Variants in PPM1B observed in about 807,000 individuals in gnomAD.
PPM1B encodes protein phosphatase, Mg2+/Mn2+ dependent 1B.
PPM1B carries 22 observed loss-of-function variants against 43.0 expected under a neutral mutation model. That is an observed-to-expected ratio of 0.51 (90% CI 0.37 to 0.73). The LOEUF (loss-of-function observed/expected upper bound fraction) is 0.73, where lower values mean the gene tolerates loss of function less well. Among genes scored for constraint, PPM1B ranks in the 30% least tolerant of loss-of-function variants. The probability of loss-of-function intolerance (pLI) is 0.00; values close to 1 mark genes in which losing one functional copy is unlikely to be tolerated. For synonymous variants in PPM1B, 217 were observed against 197.9 expected (o/e 1.10, Z -0.81); for missense variants, 632 against 584.2 (o/e 1.08, Z -0.84).
intron 5 of PPM1B, among the ~76,000 whole-genome samples, chr2:44,243,261 A>C (rs937831707): frequency 6.6e-6 from 1 of 152,226 alleles, no homozygotes; most frequent in South Asian, 2.1e-4. Context: ...TTTACCCTTC[A>C]TATACACTTT....
chr2:44,244,860 G>C (rs1670827661), downstream of PPM1B, among the ~76,000 whole-genome samples: 1 of 131,864 alleles, frequency 7.6e-6, no homozygotes, highest in African/African-American at 3.0e-5. Context: ...CACATATATA[G>C]TGTGTGTGTG....
intron 2 of PPM1B, among the ~76,000 whole-genome samples, chr2:44,203,601 G>A (rs890808782): frequency 1.3e-5 from 2 of 152,086 alleles, no homozygotes; most frequent in Non-Finnish European, 2.9e-5. Flanking sequence ...TATTGTTCCA[G>A]TCTTTTCTGC....
downstream of PPM1B, among the ~76,000 whole-genome samples, chr2:44,238,324 A>G (rs762538366): frequency 7.2e-5 from 11 of 152,232 alleles, no homozygotes; most frequent in Non-Finnish European, 1.3e-4. Context: ...TATTTTAAAT[A>G]TTTAATATTT....
chr2:44,204,640 C>T (rs982283728), intron 2 of PPM1B, among the ~76,000 whole-genome samples: 4 of 151,968 alleles, frequency 2.6e-5, no homozygotes, highest in Admixed American at 1.3e-4. Context: ...GTTAAGATGA[C>T]GAGGTCAGGA....
At chr2:44,177,347 T>G (rs1207303346) in intron 1 of PPM1B, among the ~76,000 whole-genome samples, 1 of 152,042 alleles carries the variant, frequency 6.6e-6, no homozygotes, top group Non-Finnish European at 1.5e-5. Context: ...GTCCTAAACT[T>G]AAGGAAATTG....
At chr2:44,225,867 G>T (rs544238399) in intron 5 of PPM1B, among the ~76,000 whole-genome samples, 2 of 151,786 alleles carry the variant, frequency 1.3e-5, no homozygotes, top group South Asian at 4.2e-4. Context: ...TGTTGATCAG[G>T]CTAGTCTCAA....
intron 1 of PPM1B, among the ~76,000 whole-genome samples, chr2:44,197,009 T>C (rs1233714650): frequency 6.6e-6 from 1 of 152,240 alleles, no homozygotes; most frequent in Non-Finnish European, 1.5e-5. Context: ...CTTTTAGTTT[T>C]CATTTTTTAA....
chr2:44,236,417 A>AAAAAAAAAAAAAAAAG (rs1670615029), downstream of PPM1B, among the ~76,000 whole-genome samples: 1 of 149,138 alleles, frequency 6.7e-6, no homozygotes, highest in Non-Finnish European at 1.5e-5. Flanking sequence ...AAAAAAAAAA[A>AAAAAAAAAAAAAAAAG]AAAAAAAAAA....
intron 5 of PPM1B, among the ~76,000 whole-genome samples, chr2:44,242,573 CT>C (rs1276554692): frequency 2.6e-5 from 4 of 152,130 alleles, no homozygotes; most frequent in African/African-American, 9.7e-5. Context: ...CATTTACAAT[CT>C]TAATAGTATA....
chr2:44,243,257 C>A (rs1203101199), intron 5 of PPM1B, among the ~76,000 whole-genome samples: 1 of 152,150 alleles, frequency 6.6e-6, no homozygotes. Context: ...CCCTTTTACC[C>A]TTCATATACA....
intron 1 of PPM1B, among the ~76,000 whole-genome samples, chr2:44,194,444 C>T (rs1449636331): frequency 6.6e-6 from 1 of 152,148 alleles, no homozygotes; most frequent in East Asian, 1.9e-4. Flanking sequence ...GCTGAGCAGG[C>T]CGGGCGTGTT....
intron 3 of PPM1B, chr2:44,213,824 C>T (rs1669595749): frequency 6.6e-6 from 1 of 152,052 alleles, no homozygotes; most frequent in Non-Finnish European, 1.5e-5. Context: ...TTAAGAGGAG[C>T]TGTTTTTATA....
chr2:44,240,699 T>G (rs1362503195), intron 5 of PPM1B, among the ~76,000 whole-genome samples: 1 of 145,982 alleles, frequency 6.9e-6, no homozygotes, highest in Admixed American at 6.8e-5. Context: ...TTTTCCTGAT[T>G]TAAGGCAGAT....
chr2:44,241,618 G>T (rs934879495), intron 5 of PPM1B, among the ~76,000 whole-genome samples: 2 of 116,382 alleles, frequency 1.7e-5, no homozygotes, highest in African/African-American at 5.4e-5. Flanking sequence ...TGTAATCCCA[G>T]CTACCTGGGA....
intron 1 of PPM1B, among the ~76,000 whole-genome samples, chr2:44,184,755 T>C (rs1668043654): frequency 6.6e-6 from 1 of 152,108 alleles, no homozygotes; most frequent in African/African-American, 2.4e-5. Context: ...CATAGGGATC[T>C]ATCAGTAAAA....
intron 5 of PPM1B, among the ~76,000 whole-genome samples, chr2:44,220,544 C>G (rs1257188476): frequency 6.6e-6 from 1 of 152,134 alleles, no homozygotes; most frequent in Non-Finnish European, 1.5e-5. Flanking sequence ...CATAAATGTT[C>G]TATCAACATC....
intron 5 of PPM1B, among the ~76,000 whole-genome samples, chr2:44,244,075 C>A (rs1466601478): frequency 6.6e-6 from 1 of 151,748 alleles, no homozygotes; most frequent in Non-Finnish European, 1.5e-5. Flanking sequence ...TTTTATATTT[C>A]TTATTGCTGT....
Position 44,201,120 on chromosome 2 carries a change from G to A in PPM1B, c.-14-66G>A, listed in dbSNP as rs1422236071. 7.0e-7 allele frequency: 1 copy of A among 1,434,976 alleles called. No individual in the cohort carries two copies. Among genetic ancestry groups the A allele is most frequent in the Non-Finnish European group, 9.4e-7 (1 of 1,063,136 alleles). The allele number at this position is 1,434,976 out of a possible 1,614,324, so 88.9% of individuals were successfully genotyped here. A position where few individuals can be genotyped will look rare whatever the true frequency, so the allele number is the denominator to read the frequency against. ...TTGAGGTAGGAGTTACTAGACTATA[G>A]AGGGAATATTGTACATACATTTTCT... On this transcript the variant is annotated intron_variant, in intron 1 of 5. Coordinates refer to ENST00000282412, the MANE Select transcript of PPM1B (RefSeq NM_002706.6). This position sits in a 1 kb window ranked among gnomAD's most constrained non-coding sequence, Gnocchi z 5.4.
intron 1 of PPM1B, among the ~76,000 whole-genome samples, chr2:44,184,589 C>T (rs1668035352): frequency 6.6e-6 from 1 of 152,058 alleles, no homozygotes; most frequent in Non-Finnish European, 1.5e-5. Context: ...TCTAGATCCA[C>T]CTTCCTGCAG....
Sources: gnomAD v4.1 joint callset for allele counts (sites outside exome capture counted in the v4.1 genomes callset) on GRCh38, gnomAD v4.1.1 for gene constraint, Gnocchi (gnomAD v3.1) non-coding constraint, MANE v1.5 for transcripts, NCBI Gene and HGNC (gene_info 2026-07-23, HGNC 2026-07-21) for gene names.